CHD1L: variants seen among roughly 807,000 people sequenced by gnomAD.
CHD1L encodes ATP-dependent chromatin remodeler CHD1L.
A neutral mutation model predicts 115.9 loss-of-function variants in CHD1L; 118 were observed. That is an observed-to-expected ratio of 1.02 (90% CI 0.88 to 1.19). The LOEUF (loss-of-function observed/expected upper bound fraction) is 1.19, where lower values mean the gene tolerates loss of function less well. Ranked by LOEUF, CHD1L falls within the 50% of genes most tolerant of loss-of-function variation. The pLI is 0.00. For synonymous variants in CHD1L, 411 were observed against 387.1 expected, an observed-to-expected ratio of 1.06 and a Z score of -0.72; for missense variants, 1,179 against 1,065.3, an observed-to-expected ratio of 1.11 and a Z score of -1.49.
chr1:147,271,649 G>A (rs972520240), intron 11 of CHD1L, among the ~76,000 whole-genome samples: 8 of 152,168 alleles, frequency 5.3e-5, no homozygotes, highest in East Asian at 3.9e-4. Context: ...GCAGAATGCC[G>A]TTGGCACATG....
the CHD1L span, among the ~76,000 whole-genome samples, chr1:147,217,450 T>G: frequency 6.6e-6 from 1 of 152,168 alleles, no homozygotes; most frequent in Non-Finnish European, 1.5e-5. Flanking sequence ...TCCTCCCTTT[T>G]TATTCTAGAA....
chr1:147,265,066 T>C (rs1207824644), intron 7 of CHD1L, among the ~76,000 whole-genome samples: 3 of 152,200 alleles, frequency 2.0e-5, no homozygotes, highest in African/African-American at 7.2e-5. Flanking sequence ...TCTTCTGTTC[T>C]TGTACCTTTG....
At chr1:147,227,706 A>G in the CHD1L span, among the ~76,000 whole-genome samples, 11 of 152,338 alleles carry the variant, frequency 7.2e-5, no homozygotes, top group African/African-American at 2.6e-4. Context: ...ACTAATTCCA[A>G]GATAACATAT....
chr1:147,233,272 C>T, the CHD1L span, among the ~76,000 whole-genome samples: 3 of 152,234 alleles, frequency 2.0e-5, no homozygotes, highest in South Asian at 2.1e-4. Flanking sequence ...GCAGCCGCCC[C>T]GTCTGGGAAG....
the CHD1L span, among the ~76,000 whole-genome samples, chr1:147,183,822 A>G: frequency 6.6e-6 from 1 of 152,200 alleles, no homozygotes; most frequent in African/African-American, 2.4e-5. Flanking sequence ...TAAATGCTGT[A>G]TTACTCCTAA....
At chr1:147,220,322 CT>C in the CHD1L span, among the ~76,000 whole-genome samples, 1 of 152,146 alleles carries the variant, frequency 6.6e-6, no homozygotes, top group African/African-American at 2.4e-5. Flanking sequence ...GAGAGATATT[CT>C]GATTCATAGA....
chr1:147,269,727 T>G (rs1243388542), intron 10 of CHD1L, among the ~76,000 whole-genome samples: 1 of 151,100 alleles, frequency 6.6e-6, no homozygotes, highest in Non-Finnish European at 1.5e-5. Context: ...TGTGTTCAGC[T>G]TATACCTAAT....
the CHD1L span, among the ~76,000 whole-genome samples, chr1:147,197,439 C>A: frequency 6.6e-6 from 1 of 152,100 alleles, no homozygotes; most frequent in South Asian, 2.1e-4. Flanking sequence ...TGTGTCCCCA[C>A]CCAAATCTTA....
chr1:147,274,540 C>T (rs183860878), intron 12 of CHD1L, among the ~76,000 whole-genome samples: 27 of 152,314 alleles, frequency 1.8e-4, no homozygotes, highest in African/African-American at 2.4e-4. Context: ...CCAGCTCTAA[C>T]GACCCTGGCA....
chr1:147,236,069 G>A, the CHD1L span, among the ~76,000 whole-genome samples: 1 of 152,166 alleles, frequency 6.6e-6, no homozygotes, highest in Non-Finnish European at 1.5e-5. Context: ...GCACAGCCAG[G>A]CATGCCAGCT....
chr1:147,228,521 A>G, the CHD1L span, among the ~76,000 whole-genome samples: 1 of 152,220 alleles, frequency 6.6e-6, no homozygotes, highest in Non-Finnish European at 1.5e-5. Context: ...TTGGGTATAT[A>G]CCCAGTAATG....
At chr1:147,176,149 G>T in the CHD1L span, 2 of 152,086 alleles carry the variant, frequency 1.3e-5, no homozygotes, top group South Asian at 2.1e-4. Flanking sequence ...CAAAATATAT[G>T]AGTTTATACA....
intron 1 of CHD1L, among the ~76,000 whole-genome samples, chr1:147,244,546 G>C (rs1553932885): frequency 6.6e-6 from 1 of 152,020 alleles, no homozygotes; most frequent in Non-Finnish European, 1.5e-5. Context: ...CAGGGAAATA[G>C]CCTATGCATA....
the CHD1L span, among the ~76,000 whole-genome samples, chr1:147,227,154 C>G: frequency 6.6e-6 from 1 of 152,284 alleles, no homozygotes; most frequent in South Asian, 2.1e-4. Flanking sequence ...AGACTAATAT[C>G]TTTCACAAAA....
upstream of CHD1L, among the ~76,000 whole-genome samples, chr1:147,240,625 G>C (rs1056730237): frequency 2.6e-5 from 4 of 152,122 alleles, no homozygotes; most frequent in Non-Finnish European, 5.9e-5. Context: ...GGAATGTCTC[G>C]GTGTAAAACC....
At chr1:147,235,382 A>C in the CHD1L span, among the ~76,000 whole-genome samples, 1 of 152,006 alleles carries the variant, frequency 6.6e-6, no homozygotes, top group Non-Finnish European at 1.5e-5. Context: ...CTTGTGAAAA[A>C]ATTTTCATTT....
At chr1:147,188,682 A>C in the CHD1L span, among the ~76,000 whole-genome samples, 5,564 of 151,760 alleles carry the variant, frequency 0.037, 144 homozygotes, top group South Asian at 0.095. Context: ...ACATATGTAA[A>C]AAACCTGCAC....
At chr1:147,204,922 T>C in the CHD1L span, 1 of 1,563,628 alleles carries the variant, frequency 6.4e-7, no homozygotes, top group Non-Finnish European at 8.8e-7. Flanking sequence ...CTTGGGAACT[T>C]GAAGCGCCAT....
chr1:147,225,189 G>A, the CHD1L span: 3 of 1,461,464 alleles, frequency 2.1e-6, no homozygotes, highest in South Asian at 1.4e-5. Context: ...AGATTCGACG[G>A]TCCTCTTCAC....
Sources: gnomAD v4.1 joint callset for allele counts (sites outside exome capture counted in the v4.1 genomes callset) on GRCh38, gnomAD v4.1.1 for gene constraint, MANE v1.5 for transcripts, NCBI Gene and HGNC (gene_info 2026-07-23, HGNC 2026-07-21) for gene names.